The following KIF13B variants were observed in gnomAD, a reference collection of about 807,000 sequenced individuals.
KIF13B encodes the protein kinesin-like protein KIF13B.
A neutral mutation model predicts 222.0 loss-of-function variants in KIF13B; 127 were observed. That is an observed-to-expected ratio of 0.57 (90% CI 0.50 to 0.66). The LOEUF (loss-of-function observed/expected upper bound fraction) is 0.66, where lower values mean the gene tolerates loss of function less well. Ranked by LOEUF, KIF13B falls within the 30% of genes least tolerant of loss-of-function variation. The pLI, the probability that KIF13B is intolerant of heterozygous loss-of-function variation, is 0.00. For synonymous variants in KIF13B, 976 were observed against 919.0 expected, an observed-to-expected ratio of 1.06 and a Z score of -1.12; for missense variants, 2,173 against 2,379.0, an observed-to-expected ratio of 0.91 and a Z score of 1.80.
chr8:29,242,814 C>A (rs749950501), intron 2 of KIF13B, among the ~76,000 whole-genome samples: 1 of 152,174 alleles, frequency 6.6e-6, no homozygotes, highest in Non-Finnish European at 1.5e-5. Context: ...TTAGTTGATA[C>A]CAAGAAGGAG....
At chr8:29,075,762 G>A (rs1387665170) in intron 37 of KIF13B, among the ~76,000 whole-genome samples, 1 of 152,172 alleles carries the variant, frequency 6.6e-6, no homozygotes, top group Non-Finnish European at 1.5e-5. Flanking sequence ...GAGGAGGAAG[G>A]AGGCCAGGCT....
intron 26 of KIF13B, among the ~76,000 whole-genome samples, chr8:29,124,631 G>A (rs1253655664): frequency 6.6e-6 from 1 of 151,934 alleles, no homozygotes; most frequent in African/African-American, 2.4e-5. Flanking sequence ...CATCTGTAAT[G>A]CCAGCACTTT....
At chr8:29,164,331 C>T (rs1307575028) in intron 12 of KIF13B, among the ~76,000 whole-genome samples, 3 of 152,064 alleles carry the variant, frequency 2.0e-5, no homozygotes, top group Non-Finnish European at 2.9e-5. Context: ...TTCTCTAATA[C>T]AAGGAACAGT....
In KIF13B at chr8:29,134,159, A is replaced by C; in HGVS notation, c.2665T>G (p.Phe889Val). 6.2e-7 allele frequency: 1 copy of C among 1,614,020 alleles called. No individual in the cohort carries two copies. The highest frequency in any genetic ancestry group is 8.5e-7 in the Non-Finnish European group (1 of 1,179,888). ...TGATCCCAGAAGCTGTATTTGCAGA[A>C]CACAAAGTGGGACAGATGCTGTGGC... ...GLPQHLSHFV[F>V]CKYSFWDQQE... Residue 889 changes from phenylalanine (F) to valine (V), a missense_variant, in exon 22 of 40, where the codon TTC becomes GTC. Physicochemically the swap from Phe to Val is conservative, Grantham distance 50. Coordinates refer to ENST00000524189, the MANE Select transcript of KIF13B (RefSeq NM_015254.4).
intron 2 of KIF13B, among the ~76,000 whole-genome samples, chr8:29,237,119 T>C (rs1586967200): frequency 6.6e-6 from 1 of 152,144 alleles, no homozygotes; most frequent in African/African-American, 2.4e-5. Flanking sequence ...GCTGAATGGG[T>C]TTCTCATGTC....
chr8:29,242,141 T>C (rs941119357), intron 2 of KIF13B, among the ~76,000 whole-genome samples: 1 of 152,100 alleles, frequency 6.6e-6, no homozygotes, highest in African/African-American at 2.4e-5. Flanking sequence ...GTTTGGTGGG[T>C]AGAGGAGAGA....
chr8:29,106,364 G>A (rs10096248), intron 35 of KIF13B, among the ~76,000 whole-genome samples: 16,314 of 152,220 alleles, frequency 0.11, 935 homozygotes, highest in South Asian at 0.15. Context: ...AGCAGCAGTG[G>A]CTTATGCCTG....
intron 19 of KIF13B, chr8:29,140,866 T>A (rs1029068375): frequency 5.4e-6 from 2 of 368,782 alleles, no homozygotes; most frequent in Non-Finnish European, 9.7e-6. Context: ...GCGATCCCAG[T>A]AACAGGTCAT....
At chr8:29,124,389 C>A (rs1042464187) in intron 26 of KIF13B, among the ~76,000 whole-genome samples, 1 of 152,154 alleles carries the variant, frequency 6.6e-6, no homozygotes, top group African/African-American at 2.4e-5. Flanking sequence ...GAGCTTTAAG[C>A]ACCTGCAACA....
chr8:29,169,393 C>T (rs1812141907), intron 10 of KIF13B, among the ~76,000 whole-genome samples: 1 of 152,162 alleles, frequency 6.6e-6, no homozygotes, highest in African/African-American at 2.4e-5. Flanking sequence ...CCCACAGCTG[C>T]CCACAATACA....
At chr8:29,189,122 A>G (rs2130336556) in intron 4 of KIF13B, among the ~76,000 whole-genome samples, 1 of 152,308 alleles carries the variant, frequency 6.6e-6, no homozygotes, top group South Asian at 2.1e-4. Flanking sequence ...ATGGACATAA[A>G]GAACAGAGTC....
intron 2 of KIF13B, among the ~76,000 whole-genome samples, chr8:29,207,594 CA>C (rs202133085): frequency 8.1e-4 from 115 of 142,642 alleles, no homozygotes; most frequent in African/African-American, 2.7e-3. Context: ...GATACTCATC[CA>C]AAAAAAAAAG....
intron 2 of KIF13B, among the ~76,000 whole-genome samples, chr8:29,199,875 A>G (rs550169874): frequency 6.6e-6 from 1 of 152,216 alleles, no homozygotes; most frequent in East Asian, 1.9e-4. Flanking sequence ...CATTTACTCT[A>G]TTTTATAGTA....
At position 29,127,133 on chromosome 8, in the gene KIF13B, C is replaced by T; in HGVS notation, c.3211G>A (p.Glu1071Lys). 1 of 1,613,794 alleles carries T rather than the reference C, an allele frequency of 6.2e-7. No homozygotes were observed. Among genetic ancestry groups the T allele is most frequent in the Non-Finnish European group, 8.5e-7 (1 of 1,179,764 alleles). The change falls in exon 25 of 40, where the codon GAG becomes AAG. Residue 1071 changes from glutamate (E) to lysine (K), a missense_variant. By Grantham distance (56) the Glu-to-Lys change is moderately conservative. Transcript: ENST00000524189. ...VRPLRAPRTHETFHEEEEDMD... is the reference protein window; with the variant it reads ...VRPLRAPRTHKTFHEEEEDMD... ...GTATAGAAACTTACATGGAAGGTCT[C>T]ATGTGTTCTGGGGGCTCTGAGCGGT...
intron 2 of KIF13B, among the ~76,000 whole-genome samples, chr8:29,206,196 G>A (rs531539969): frequency 6.6e-6 from 1 of 152,264 alleles, no homozygotes; most frequent in Admixed American, 6.5e-5. Context: ...AGGCCAAGGC[G>A]GGAGGATCGC....
intron 37 of KIF13B, among the ~76,000 whole-genome samples, chr8:29,079,909 ATAGT>A (rs541553927): frequency 1.0e-3 from 155 of 152,346 alleles, no homozygotes; most frequent in African/African-American, 2.1e-3. Flanking sequence ...TTTGTTACAA[ATAGT>A]TAGTAGCCAA....
In KIF13B at chr8:29,099,207, G is replaced by T; in HGVS notation, c.4250C>A (p.Thr1417Asn). The T allele has an allele frequency of 6.2e-7, 1 of 1,613,450 alleles. No homozygotes were observed. The highest frequency in any genetic ancestry group is 1.1e-5 in the South Asian group (1 of 91,044). The part of the protein sequence containing the change: ...RWESQQDVSQ[T>N]TVSRGIAPAP... ...AGGAGCTATTCCTCTGGAAACTGTG[G>T]TTTGGGATACATCCTGCTGACTTTC... The change falls in exon 36 of 40, where the codon ACC becomes AAC. Residue 1417 changes from threonine (T) to asparagine (N), a missense_variant. Transcript: ENST00000524189.
chr8:29,211,408 G>C (rs951891748), intron 2 of KIF13B, among the ~76,000 whole-genome samples: 12 of 83,162 alleles, frequency 1.4e-4, no homozygotes, highest in Non-Finnish European at 3.3e-4. Flanking sequence ...TGAGCCCTTC[G>C]ACTGCCCAGG....
rs148048304 is a variant in KIF13B, at chr8:29,111,344, C to T, written c.3931-1274G>A. Among the ~76,000 whole-genome samples the T allele has an allele frequency of 9.3e-3, 1,418 of 152,336 alleles. 24 individuals are homozygous for T. Among genetic ancestry groups the T allele is most frequent in the African/African-American group, 0.032 (1,345 of 41,570 alleles). On this transcript the variant is annotated intron_variant, in intron 32 of 39. Transcript: ENST00000524189. ...AAGAAATTGTCTCTGGCCTGGGCCA[C>T]TTCTTTTGGCCATGATGCCCTAATG...
Sources: allele counts gnomAD v4.1 joint callset (sites outside exome capture counted in the v4.1 genomes callset), GRCh38; gene constraint gnomAD v4.1.1; transcripts MANE v1.5; gene names NCBI Gene and HGNC (gene_info 2026-07-23, HGNC 2026-07-21).